Variants in CPLANE1 observed in about 807,000 individuals in gnomAD.
CPLANE1 encodes the protein ciliogenesis and planar polarity effector 1.
Under a neutral mutation model 362.5 loss-of-function variants are expected in CPLANE1, and 263 were observed. The observed-to-expected ratio is 0.73, with a 90% CI of 0.66 to 0.80. The LOEUF (loss-of-function observed/expected upper bound fraction) is 0.80, where lower values mean the gene tolerates loss of function less well. Among genes scored for constraint, CPLANE1 ranks in the 30% least tolerant of loss-of-function variants. The pLI is 0.00. For missense variants in CPLANE1, 3,461 were observed against 3,793.4 expected (o/e 0.91, Z 2.30); for synonymous variants, 1,212 against 1,302.6 (o/e 0.93, Z 1.50).
intron 19 of CPLANE1, among the ~76,000 whole-genome samples, chr5:37,200,683 C>T (rs1221848577): frequency 3.3e-5 from 5 of 151,836 alleles, no homozygotes; most frequent in Non-Finnish European, 7.4e-5. Context: ...AATCTTAAAA[C>T]CAGCTAACTA....
rs559477639 is a variant in CPLANE1, at chr5:37,192,490, T to C, written c.3811+3368A>G. On this transcript the variant is annotated intron_variant, in intron 21 of 52. Transcript: ENST00000651892. ...CATTTCTTAGGACGTAGCCCCATCA[T>C]TAAGCAGGCCTGACTATATATGATA... Among the ~76,000 whole-genome samples, 4 of 152,304 alleles carry C rather than the reference T, an allele frequency of 2.6e-5. No homozygotes were observed. In the South Asian group the frequency reaches 8.3e-4, roughly 32 times the overall value.
intron 6 of CPLANE1, among the ~76,000 whole-genome samples, chr5:37,241,719 T>A (rs1800551339): frequency 6.6e-6 from 1 of 152,128 alleles, no homozygotes; most frequent in Admixed American, 6.6e-5. Context: ...CTGGACCTCC[T>A]GGGCTTCAGT....
Position 37,142,479 on chromosome 5 carries a change from C to T in CPLANE1, c.8463G>A (p.Val2821=). The T allele has an allele frequency of 6.3e-7, 1 of 1,576,952 alleles. No individual in the cohort carries two copies. Among genetic ancestry groups the T allele is most frequent in the Admixed American group, 1.9e-5 (1 of 54,032 alleles). ...ASKTISISEE[V]RFLTHMDEED... is the part of the protein sequence containing the mutation. ...CTTCATCCATATGGGTCAAAAAACG[C>T]ACTAATCCAGAGTATATATTACAAT... The change falls in exon 44 of 53, where the codon GTG becomes GTA. Residue 2821 remains valine, a splice_region_variant and synonymous_variant. Transcript: ENST00000651892.
In CPLANE1 at chr5:37,168,812, T is replaced by G; in HGVS notation, c.7212A>C (p.Ser2404=). ...TTACCCTATTTTCTGGGGACAAATG[T>G]GAATGAAGTAATGACAATCTTGGGT... is the stretch of plus-strand genomic sequence containing the variant. ...RKYPRLSLLH[S]HLSPENRCKK... The change falls in exon 34 of 53, where the codon TCA becomes TCC. Residue 2404 remains serine (S), a synonymous_variant. Coordinates refer to ENST00000651892, the MANE Select transcript of CPLANE1 (RefSeq NM_001384732.1). 1.2e-6 allele frequency: 2 copies of G among 1,613,070 alleles called. No homozygotes were observed. The highest frequency in any genetic ancestry group is 1.7e-6 in the Non-Finnish European group (2 of 1,179,428).
chr5:37,169,662 A>G, intron 33 of CPLANE1, 101 bp from the exon 34 acceptor site: 1 of 909,064 alleles, frequency 1.1e-6, no homozygotes, highest in Middle Eastern at 3.0e-4. Flanking sequence ...GAATGTAGTA[A>G]CTGCTAAAAA....
rs1461276591 is a variant in CPLANE1 at position 37,238,861 on chromosome 5, T to A, written c.934A>T (p.Ile312Phe). 1.3e-6 allele frequency: 2 copies of A among 1,487,312 alleles called. No individual in the cohort carries two copies. The highest frequency in any genetic ancestry group is 1.8e-6 in the Non-Finnish European group (2 of 1,112,256). The allele number at this position is 1,487,312 out of a possible 1,614,324, so 92.1% of individuals were successfully genotyped here. The change falls in exon 8 of 53, where the codon ATT becomes TTT. Residue 312 changes from isoleucine to phenylalanine, a missense_variant. Transcript: ENST00000651892. ...GACAGACAAAAGAGTTCTTACCTAA[T>A]AAGTGTAGCTGGAACCACGGGACTC... Reference protein sequence around the residue: ...NKSPVVPATLIRSYWVGDISW... With the variant: ...NKSPVVPATLFRSYWVGDISW...
In CPLANE1 at chr5:37,168,944, C is replaced by T. The variant is rs769298457; in HGVS notation, c.7080G>A (p.Pro2360=). Residue 2360 remains proline (P), a synonymous_variant, in exon 34 of 53, where the codon CCG becomes CCA. Coordinates refer to ENST00000651892, the MANE Select transcript of CPLANE1 (RefSeq NM_001384732.1). ...EISPHHSFGL[P]LLYLPLKPPN... is the part of the protein sequence containing the mutation. ...GAGGTTTAAGTGGCAGGTATAGTAACGGAAGTCCAAAGGAATGGTGAGGAG... is the reference window on the plus strand; with the variant it reads ...GAGGTTTAAGTGGCAGGTATAGTAATGGAAGTCCAAAGGAATGGTGAGGAG... 2.4e-5 allele frequency: 39 copies of T among 1,613,928 alleles called. No individual in the cohort carries two copies. The highest frequency in any genetic ancestry group is 7.7e-5 in the South Asian group (7 of 91,086).
chr5:37,244,641 T>C, intron 4 of CPLANE1, 34 bp from the exon 5 acceptor site: 1 of 1,262,610 alleles, frequency 7.9e-7, no homozygotes. Flanking sequence ...ATTAAGCCTC[T>C]GAAGTCTGAA....
In CPLANE1 at chr5:37,180,021, A is replaced by G; in HGVS notation, c.5733T>C (p.Tyr1911=). The change falls in exon 28 of 53, where the codon TAT becomes TAC. Residue 1911 remains tyrosine (Y), a synonymous_variant. Coordinates refer to ENST00000651892, the MANE Select transcript of CPLANE1 (RefSeq NM_001384732.1). ...AGATTATCTAAATGAACTGACCTTC[A>G]TAGTCTGATATGTGCATATCCATTT... ...EEEMDMHISD[Y]EEDIEESVGG... The G allele has an allele frequency of 3.9e-6, 6 of 1,542,478 alleles. No individual in the cohort carries two copies. The highest frequency in any genetic ancestry group is 2.4e-5 in the East Asian group (1 of 42,498).
intron 51 of CPLANE1, among the ~76,000 whole-genome samples, chr5:37,114,636 A>T (rs1760373844): frequency 6.6e-6 from 1 of 152,206 alleles, no homozygotes; most frequent in Non-Finnish European, 1.5e-5. Context: ...ACAGTGGCTC[A>T]TGCCTGTAAT....
Position 37,221,351 on chromosome 5 carries a change from G to A in CPLANE1, c.2719C>T (p.Pro907Ser). ...AREILRWSQLPVKENKDFSGA... is the reference protein window; with the variant it reads ...AREILRWSQLSVKENKDFSGA... ...GAAAAATCTTTATTTTCTTTTACAG[G>A]TAGTTGGGACCATCTCAGGATTTCT... The change falls in exon 15 of 53, where the codon CCT (proline) becomes TCT (serine). Residue 907 changes from proline to serine, a missense_variant. This residue lies in a region of CPLANE1 where 3,380 missense variants were observed against 3,666.1 expected (regional missense o/e 0.92). Coordinates refer to ENST00000651892, the MANE Select transcript of CPLANE1 (RefSeq NM_001384732.1). 1.3e-6 allele frequency: 2 copies of A among 1,495,982 alleles called. No individual in the cohort carries two copies. The highest frequency in any genetic ancestry group is 1.3e-5 in the South Asian group (1 of 74,580). 92.7% of individuals were successfully genotyped at this position (1,495,982 alleles called of 1,614,324 possible). A position where few individuals can be genotyped will look rare whatever the true frequency, so the allele number is the denominator to read the frequency against.
Position 37,206,281 on chromosome 5 carries a change from G to A in CPLANE1, c.3065C>T (p.Ala1022Val), listed in dbSNP as rs1181461470. 6.4e-7 allele frequency: 1 copy of A among 1,551,648 alleles called. No individual in the cohort carries two copies. The highest frequency in any genetic ancestry group is 2.0e-5 in the Admixed American group (1 of 50,994). Residue 1022 changes from alanine (A) to valine (V), a missense_variant, in exon 17 of 53, where the codon GCA becomes GTA. Physicochemically the swap from Ala to Val is moderately conservative, Grantham distance 64 (BLOSUM62 0). Transcript: ENST00000651892. The stretch of plus-strand genomic sequence containing the variant: ...CGTCTTCCAGTCTCCAAGTTTATAT[G>A]CCAACCACACAGCCTCTGGAACCAG... ...GGLVPEAVWL[A>V]YKLGDWKTSV...
chr5:37,171,984 T>C (rs1417377463), intron 32 of CPLANE1, among the ~76,000 whole-genome samples: 1 of 152,056 alleles, frequency 6.6e-6, no homozygotes, highest in Non-Finnish European at 1.5e-5. Context: ...TGTTTGTTTG[T>C]TTGTTTTTGT....
At chr5:37,211,157 A>G (rs895429412) in intron 16 of CPLANE1, 2 of 1,252,664 alleles carry the variant, frequency 1.6e-6, no homozygotes, top group Non-Finnish European at 2.3e-6. Flanking sequence ...AACAGGAAAA[A>G]GTTCTAGCAG....
intron 41 of CPLANE1, among the ~76,000 whole-genome samples, chr5:37,156,007 G>A (rs183608201): frequency 6.6e-6 from 1 of 152,244 alleles, no homozygotes; most frequent in East Asian, 1.9e-4. Context: ...GAAGATGAAG[G>A]CTTTAAAATC....
chr5:37,175,322 G>A (rs937777124), intron 31 of CPLANE1, among the ~76,000 whole-genome samples: 2 of 152,162 alleles, frequency 1.3e-5, no homozygotes, highest in East Asian at 1.9e-4. Flanking sequence ...CAAAAGGGCC[G>A]GATCTGGGTA....
At chr5:37,090,423 A>G in the CPLANE1 span, among the ~76,000 whole-genome samples, 2 of 152,250 alleles carry the variant, frequency 1.3e-5, no homozygotes, top group African/African-American at 4.8e-5. Flanking sequence ...TCACTAGGTT[A>G]TGACCCTGAT....
At chr5:37,083,514 A>T in the CPLANE1 span, among the ~76,000 whole-genome samples, 6 of 152,250 alleles carry the variant, frequency 3.9e-5, no homozygotes, top group African/African-American at 1.4e-4. Flanking sequence ...AGCCCAATGT[A>T]AGGAAACCAA....
At chr5:37,230,033 A>T (rs1338718818) in intron 9 of CPLANE1, among the ~76,000 whole-genome samples, 1 of 151,970 alleles carries the variant, frequency 6.6e-6, no homozygotes, top group African/African-American at 2.4e-5. Context: ...AAAATTAGCC[A>T]GGCATGGTGG....
Sources: allele counts gnomAD v4.1 joint callset (sites outside exome capture counted in the v4.1 genomes callset), GRCh38; gene constraint gnomAD v4.1.1; regional missense constraint gnomAD v4.1.1; transcripts MANE v1.5; gene names NCBI Gene and HGNC (gene_info 2026-07-23, HGNC 2026-07-21).